GABRA2: variants seen among roughly 807,000 people sequenced by gnomAD.
The protein encoded by GABRA2 is gamma-aminobutyric acid type A receptor subunit alpha2.
In GABRA2, 16 loss-of-function variants were observed where a neutral mutation model predicts 48.7. The ratio of observed to expected loss-of-function variants is 0.33; its 90% confidence interval spans 0.22 to 0.50. The LOEUF (loss-of-function observed/expected upper bound fraction) is 0.50, where lower values mean the gene tolerates loss of function less well. Ranked by LOEUF, GABRA2 falls within the 20% of genes least tolerant of loss-of-function variation. The pLI is 0.98. For missense variants in GABRA2, 275 were observed against 535.6 expected (o/e 0.51, Z 4.80); for synonymous variants, 185 against 184.5 (o/e 1.00, Z -0.02).
At chr4:46,350,837 A>G (rs921384864) in intron 3 of GABRA2, among the ~76,000 whole-genome samples, 3 of 151,964 alleles carry the variant, frequency 2.0e-5, no homozygotes, top group Non-Finnish European at 2.9e-5. Context: ...ATGGAGGAAA[A>G]AGAAATAAGT....
intron 3 of GABRA2, among the ~76,000 whole-genome samples, chr4:46,338,450 G>T (rs1475179690): frequency 6.6e-6 from 1 of 151,766 alleles, no homozygotes; most frequent in Admixed American, 6.6e-5. Context: ...TTAGGTTATT[G>T]CATTAGCCAA....
chr4:46,286,862 A>G (rs77765255), intron 8 of GABRA2, among the ~76,000 whole-genome samples: 1 of 152,284 alleles, frequency 6.6e-6, no homozygotes, highest in Non-Finnish European at 1.5e-5. Context: ...AATCAGATAT[A>G]AGATTTGCAA....
chr4:46,373,656 T>A (rs566071564), intron 3 of GABRA2, among the ~76,000 whole-genome samples: 4 of 152,326 alleles, frequency 2.6e-5, no homozygotes, highest in African/African-American at 9.6e-5. Context: ...TCCTCAGTTT[T>A]AATTACTGTT....
At chr4:46,389,538 T>C (rs2109394511) in intron 1 of GABRA2, 197 bp downstream of exon 1, 1 of 482,712 alleles carries the variant, frequency 2.1e-6, no homozygotes, top group Non-Finnish European at 2.7e-6. Flanking sequence ...TGGATTTTAT[T>C]GTAGTTGCAA....
chr4:46,379,476 C>T (rs145167025), intron 3 of GABRA2, among the ~76,000 whole-genome samples: 1,656 of 152,274 alleles, frequency 0.011, 17 homozygotes, highest in Middle Eastern at 0.031. Flanking sequence ...TATTTACATA[C>T]GTGCGAAATC....
intron 3 of GABRA2, among the ~76,000 whole-genome samples, chr4:46,363,133 CT>C (rs1365603339): frequency 6.6e-6 from 1 of 152,060 alleles, no homozygotes; most frequent in African/African-American, 2.4e-5. Context: ...CAAATCACTT[CT>C]CTTAAAAATT....
chr4:46,262,279 T>C (rs1021188319), intron 8 of GABRA2, 151 bp from the exon 9 acceptor site: 5 of 570,696 alleles, frequency 8.8e-6, no homozygotes, highest in African/African-American at 1.9e-5. Context: ...CTGGAATTTA[T>C]ATTAAAGTGT....
chr4:46,277,373 C>T (rs964787924), intron 8 of GABRA2, among the ~76,000 whole-genome samples: 4 of 152,192 alleles, frequency 2.6e-5, no homozygotes, highest in East Asian at 1.9e-4. Context: ...TTCTGGGATG[C>T]CAGGTGTGCC....
At chr4:46,344,917 A>G (rs1560556224) in intron 3 of GABRA2, among the ~76,000 whole-genome samples, 1 of 151,984 alleles carries the variant, frequency 6.6e-6, no homozygotes, top group South Asian at 2.1e-4. Context: ...AGGTAATCCT[A>G]TTAATAAAAT....
intron 3 of GABRA2, among the ~76,000 whole-genome samples, chr4:46,339,450 C>A (rs537390446): frequency 1.1e-4 from 16 of 151,884 alleles, no homozygotes; most frequent in Middle Eastern, 6.8e-3. Flanking sequence ...TAGCCCTTGA[C>A]ATAGTATATG....
At position 46,244,089 on chromosome 4, in the gene GABRA2, T is replaced by G. The variant is rs915845309; in HGVS notation, c.*6219A>C. 4.6e-5 allele frequency: 7 copies of G among 151,472 alleles called. No homozygotes were observed. 9.4% of individuals were successfully genotyped at this position (151,472 alleles called of 1,614,324 possible). A position where few individuals can be genotyped will look rare whatever the true frequency, so the allele number is the denominator to read the frequency against. ...TCAAGTGTAGTGCAGGCACCCAAGA[T>G]TAACAAGCAATAAGGACTTAACTGT... On this transcript the variant is annotated 3_prime_UTR_variant, in exon 10 of 10. Transcript: ENST00000381620.
At chr4:46,303,019 G>A (rs1012944485) in intron 8 of GABRA2, among the ~76,000 whole-genome samples, 2 of 151,942 alleles carry the variant, frequency 1.3e-5, no homozygotes, top group African/African-American at 2.4e-5. Context: ...GTATTTCTTG[G>A]CCTATAAATC....
chr4:46,369,969 G>T (rs1045374084), intron 3 of GABRA2, among the ~76,000 whole-genome samples: 1 of 151,962 alleles, frequency 6.6e-6, no homozygotes, highest in East Asian at 1.9e-4. Context: ...CAGGCTAGTG[G>T]TCCAAAGTCT....
intron 9 of GABRA2, among the ~76,000 whole-genome samples, chr4:46,250,894 T>C (rs1331248399): frequency 6.6e-6 from 1 of 151,538 alleles, no homozygotes; most frequent in Non-Finnish European, 1.5e-5. Flanking sequence ...CAATATAACT[T>C]TTCTTTTCTC....
intron 8 of GABRA2, among the ~76,000 whole-genome samples, chr4:46,279,824 A>T (rs1369453533): frequency 2.6e-5 from 4 of 152,090 alleles, no homozygotes; most frequent in African/African-American, 4.8e-5. Context: ...CTAAGAATTT[A>T]GATTTCTTTG....
intron 4 of GABRA2, among the ~76,000 whole-genome samples, chr4:46,313,614 C>T (rs1191685505): frequency 1.3e-5 from 2 of 151,760 alleles, no homozygotes; most frequent in Non-Finnish European, 2.9e-5. Context: ...TATCTTTACC[C>T]TATCATTCTT....
chr4:46,308,687 G>A (rs181580055), intron 6 of GABRA2, among the ~76,000 whole-genome samples: 81 of 152,290 alleles, frequency 5.3e-4, no homozygotes, highest in Admixed American at 3.9e-3. Context: ...GTTGCTCATA[G>A]CTCCTTCTGG....
chr4:46,351,773 T>C (rs1334148029), intron 3 of GABRA2, among the ~76,000 whole-genome samples: 2 of 152,064 alleles, frequency 1.3e-5, no homozygotes, highest in South Asian at 2.1e-4. Flanking sequence ...GAAAATATTT[T>C]AATGTAAATA....
At chr4:46,366,750 A>C (rs1256162258) in intron 3 of GABRA2, 1 of 152,100 alleles carries the variant, frequency 6.6e-6, no homozygotes, top group Non-Finnish European at 1.5e-5. Flanking sequence ...TTATCTTATA[A>C]CTTTTCATTA....
Sources: allele counts gnomAD v4.1 joint callset (sites outside exome capture counted in the v4.1 genomes callset), GRCh38; gene constraint gnomAD v4.1.1; transcripts MANE v1.5; gene names NCBI Gene and HGNC (gene_info 2026-07-23, HGNC 2026-07-21).